Variants in DIP2A observed in about 807,000 individuals in gnomAD.
DIP2A encodes DIP2 acetate--CoA ligase A.
In DIP2A, 85 loss-of-function variants were observed where a neutral mutation model predicts 177.4. That is an observed-to-expected ratio of 0.48 (90% CI 0.40 to 0.57). The LOEUF is 0.57. Among genes scored for constraint, DIP2A ranks in the 20% least tolerant of loss-of-function variants. The pLI is 0.00. For missense variants in DIP2A, 1,791 were observed against 2,100.2 expected, an observed-to-expected ratio of 0.85 and a Z score of 2.88; for synonymous variants, 886 against 881.8, an observed-to-expected ratio of 1.00 and a Z score of -0.08.
At chr21:46,560,084 A>G (rs779879587) in intron 32 of DIP2A, among the ~76,000 whole-genome samples, 11 of 152,238 alleles carry the variant, frequency 7.2e-5, no homozygotes, top group Non-Finnish European at 1.2e-4. Context: ...CTTGGGAGGA[A>G]GGGCTGTGTT....
chr21:46,554,614 G>A lies in DIP2A; in HGVS notation c.3194G>A (p.Cys1065Tyr). The change falls in exon 27 of 38, where the codon TGT (cysteine) becomes TAT (tyrosine). Residue 1065 changes from cysteine (C) to tyrosine (Y), a missense_variant. Physicochemically the swap from Cys to Tyr is radical, Grantham distance 194 (BLOSUM62 -2). Transcript: ENST00000417564. Reference sequence around the variant, plus strand: ...GCCGCGTTCTATGGCTGCTTGTACTGTGGCTGCGTGCCTGTCACCGTGCGG... The same window carrying A: ...GCCGCGTTCTATGGCTGCTTGTACTATGGCTGCGTGCCTGTCACCGTGCGG... ...LIAAFYGCLY[C>Y]GCVPVTVRPP... 2.5e-6 allele frequency: 4 copies of A among 1,609,660 alleles called. No homozygotes were observed. Among genetic ancestry groups the A allele is most frequent in the Non-Finnish European group, 2.5e-6 (3 of 1,178,164 alleles).
At chr21:46,472,225 A>G (rs2148332824) in intron 1 of DIP2A, among the ~76,000 whole-genome samples, 1 of 152,334 alleles carries the variant, frequency 6.6e-6, no homozygotes, top group African/African-American at 2.4e-5. Flanking sequence ...CTGCAAGCCA[A>G]GGAGAGAGGC....
chr21:46,565,004 G>T (rs11910753), intron 35 of DIP2A, among the ~76,000 whole-genome samples: 1 of 152,124 alleles, frequency 6.6e-6, no homozygotes, highest in African/African-American at 2.4e-5. Flanking sequence ...TGGCCACCCC[G>T]TTCTCCTCTT....
At chr21:46,508,931 AT>A (rs897475901) in intron 6 of DIP2A, among the ~76,000 whole-genome samples, 2 of 152,044 alleles carry the variant, frequency 1.3e-5, no homozygotes, top group African/African-American at 4.8e-5. Context: ...AGGCAAGAGA[AT>A]CGCTTGAACC....
intron 8 of DIP2A, among the ~76,000 whole-genome samples, chr21:46,513,880 T>C (rs1398774031): frequency 6.6e-6 from 1 of 152,118 alleles, no homozygotes; most frequent in African/African-American, 2.4e-5. Flanking sequence ...CCCAAACACT[T>C]CTAATCTCAA....
At chr21:46,555,039 C>G in intron 28 of DIP2A, 106 bp downstream of exon 28, 1 of 1,183,716 alleles carries the variant, frequency 8.4e-7, no homozygotes, top group South Asian at 1.4e-5. Flanking sequence ...AAGAGCAGTC[C>G]TGGCAGGAGC....
chr21:46,514,491 A>T (rs2058460146), intron 8 of DIP2A, among the ~76,000 whole-genome samples: 1 of 151,796 alleles, frequency 6.6e-6, no homozygotes, highest in East Asian at 1.9e-4. Context: ...TTAACTTATT[A>T]GTTCTTTGTT....
At position 46,547,786 on chromosome 21, in the gene DIP2A, G is replaced by A. The variant is rs188623181; in HGVS notation, c.2522+744G>A. Among the ~76,000 whole-genome samples, 29 of 147,200 alleles carry A rather than the reference G, an allele frequency of 2.0e-4. No homozygotes were observed. In the East Asian group the frequency reaches 2.1e-3, roughly 11 times the overall value. ...CTGGGCTTCAAGCAGTCCTCTTACCGCACCTCCTGAGCAGCTGGGACCACA... is the reference window on the plus strand; with the variant it reads ...CTGGGCTTCAAGCAGTCCTCTTACCACACCTCCTGAGCAGCTGGGACCACA... On this transcript the variant is annotated intron_variant, in intron 21 of 37. Transcript: ENST00000417564.
Position 46,563,729 on chromosome 21 carries a change from T to C in DIP2A, c.4090-129T>C. Reference sequence around the variant, plus strand: ...GTCAAATTTGGAGCGGCCTCTAAACTTCCTGACCTGACATGAGCACATCAG... The same window carrying C: ...GTCAAATTTGGAGCGGCCTCTAAACCTCCTGACCTGACATGAGCACATCAG... On this transcript the variant is annotated intron_variant, in intron 34 of 37. Coordinates refer to ENST00000417564, the MANE Select transcript of DIP2A (RefSeq NM_015151.4). This position sits in a 1 kb window ranked among gnomAD's most constrained non-coding sequence, Gnocchi z 4.3. 1 of 1,422,780 alleles carries C rather than the reference T, an allele frequency of 7.0e-7. No individual in the cohort carries two copies. The highest frequency in any genetic ancestry group is 9.2e-7 in the Non-Finnish European group (1 of 1,081,136). The allele number at this position is 1,422,780 out of a possible 1,614,324, so 88.1% of individuals were successfully genotyped here.
At chr21:46,554,102 C>T (rs1419997536) in intron 25 of DIP2A, 67 bp from the exon 26 acceptor site, 10 of 1,541,852 alleles carry the variant, frequency 6.5e-6, no homozygotes, top group Middle Eastern at 1.7e-4. Flanking sequence ...GTGGTGTGCA[C>T]GCAGATCTGC....
intron 5 of DIP2A, among the ~76,000 whole-genome samples, chr21:46,501,532 A>G (rs905996640): frequency 6.6e-6 from 1 of 151,990 alleles, no homozygotes; most frequent in Non-Finnish European, 1.5e-5. Context: ...AAATTCTCCC[A>G]CCTTAGCCTC....
rs1410597432 is a variant in DIP2A at position 46,566,590 on chromosome 21, C to G, written c.4370C>G (p.Ser1457Cys). Residue 1457 changes from serine (S) to cysteine (C), a missense_variant, in exon 37 of 38, where the codon TCT (serine) becomes TGT (cysteine). Physicochemically the swap from Ser to Cys is moderately radical, Grantham distance 112. Coordinates refer to ENST00000417564, the MANE Select transcript of DIP2A (RefSeq NM_015151.4). ...GRHDALYVVGSLDETLELRGM... is the reference protein window; with the variant it reads ...GRHDALYVVGCLDETLELRGM... The stretch of plus-strand genomic sequence containing the variant: ...CACGATGCACTGTATGTGGTTGGGT[C>G]TCTGGATGAAACTCTGGAGCTCAGA... 1.2e-6 allele frequency: 2 copies of G among 1,614,054 alleles called. No individual in the cohort carries two copies. Among genetic ancestry groups the G allele is most frequent in the African/African-American group, 2.7e-5 (2 of 74,936 alleles).
intron 8 of DIP2A, among the ~76,000 whole-genome samples, chr21:46,511,980 A>G (rs2058334268): frequency 6.6e-6 from 1 of 152,124 alleles, no homozygotes; most frequent in Admixed American, 6.5e-5. Flanking sequence ...GTAAGCATAT[A>G]TACAACCTGA....
intron 8 of DIP2A, among the ~76,000 whole-genome samples, chr21:46,523,876 A>T (rs574769482): frequency 6.6e-6 from 1 of 152,366 alleles, no homozygotes; most frequent in African/African-American, 2.4e-5. Context: ...GGCAAGATGA[A>T]GGAGCAGTTG....
chr21:46,564,029 C>G, intron 35 of DIP2A, 97 bp downstream of exon 35: 1 of 1,374,052 alleles, frequency 7.3e-7, no homozygotes, highest in Non-Finnish European at 1.0e-6. Flanking sequence ...CTAAACTTGC[C>G]TTTGGGAATC....
intron 8 of DIP2A, among the ~76,000 whole-genome samples, chr21:46,526,475 A>G (rs1473529664): frequency 6.6e-6 from 1 of 150,792 alleles, no homozygotes; most frequent in African/African-American, 2.4e-5. Flanking sequence ...GCTCACTGCA[A>G]CCTCCGCCTC....
At position 46,557,801 on chromosome 21, in the gene DIP2A, T is replaced by G; in HGVS notation, c.3798+48T>G. ...CTGAGTGTGCTGCAGACCACAGCCC[T>G]GGGAAGTTTAAAAACAACAAAACAA... On this transcript the variant is annotated intron_variant, in intron 31 of 37. Coordinates refer to ENST00000417564, the MANE Select transcript of DIP2A (RefSeq NM_015151.4). The surrounding 1 kb of genome is among the most constrained non-coding windows in gnomAD (Gnocchi z 6.0). 6.4e-7 allele frequency: 1 copy of G among 1,570,246 alleles called. No homozygotes were observed.
chr21:46,561,051 A>C (rs2060645892), intron 33 of DIP2A: 1 of 972,370 alleles, frequency 1.0e-6, no homozygotes, highest in South Asian at 4.8e-5. Context: ...CCGTGTCCCC[A>C]GGGCTGCAGT....
intron 7 of DIP2A, 127 bp downstream of exon 7, chr21:46,509,503 T>C: frequency 8.5e-7 from 1 of 1,174,210 alleles, no homozygotes; most frequent in Non-Finnish European, 1.1e-6. Context: ...GACTCAGTGG[T>C]CACTGGGTGT....
Sources: gnomAD v4.1 joint callset for allele counts (sites outside exome capture counted in the v4.1 genomes callset) on GRCh38, gnomAD v4.1.1 for gene constraint, Gnocchi (gnomAD v3.1) non-coding constraint, MANE v1.5 for transcripts, NCBI Gene and HGNC (gene_info 2026-07-23, HGNC 2026-07-21) for gene names.